The following CFAP47 variants were observed in gnomAD, a reference collection of about 807,000 sequenced individuals.
CFAP47 encodes cilia- and flagella-associated protein 47.
CFAP47 carries 29 observed loss-of-function variants against 148.1 expected under a neutral mutation model. That is an observed-to-expected ratio of 0.20 (90% CI 0.15 to 0.27). The LOEUF (loss-of-function observed/expected upper bound fraction) is 0.27. Ranked by LOEUF, CFAP47 falls within the 10% of genes least tolerant of loss-of-function variation. CFAP47 has a pLI of 1.00. For missense variants in CFAP47, 1,872 were observed against 1,697.5 expected, an observed-to-expected ratio of 1.10 and a Z score of -1.81; for synonymous variants, 664 against 577.3, an observed-to-expected ratio of 1.15 and a Z score of -2.15.
chrX:36,265,662 T>C (rs1428111150), intron 49 of CFAP47, among the ~76,000 whole-genome samples: 1 of 112,219 alleles, frequency 8.9e-6, no homozygotes, highest in Non-Finnish European at 1.9e-5. Context: ...CATATCTTAA[T>C]GTGCTTTCTT....
At chrX:36,232,783 T>C (rs1202663440) in intron 46 of CFAP47, among the ~76,000 whole-genome samples, 6 of 112,060 alleles carry the variant, frequency 5.4e-5, no homozygotes, top group Admixed American at 9.5e-5. Context: ...CACACTGCTT[T>C]AAATGTGTCC....
At chrX:36,171,784 A>AT in intron 39 of CFAP47, among the ~76,000 whole-genome samples, 1 of 111,442 alleles carries the variant, frequency 9.0e-6, no homozygotes, top group South Asian at 3.8e-4. Context: ...GATGCGGGCT[A>AT]TTTTTTGGTT....
intron 39 of CFAP47, among the ~76,000 whole-genome samples, chrX:36,174,059 C>G (rs1435976848): frequency 3.7e-5 from 4 of 108,184 alleles, no homozygotes; most frequent in Non-Finnish European, 7.7e-5. Flanking sequence ...ATGTAATGGC[C>G]TTCTTTGTCT....
chrX:36,080,371 G>A (rs188904033), intron 29 of CFAP47, among the ~76,000 whole-genome samples: 1 of 111,524 alleles, frequency 9.0e-6, no homozygotes, highest in Admixed American at 9.5e-5. Flanking sequence ...AGACAGTGTG[G>A]CAATTCCTCA....
At chrX:35,972,674 C>T (rs936107967) in intron 13 of CFAP47, among the ~76,000 whole-genome samples, 17 of 111,811 alleles carry the variant, frequency 1.5e-4, no homozygotes, top group African/African-American at 5.5e-4. Context: ...TTTTGAGGTT[C>T]ACCCACGTGG....
intron 48 of CFAP47, among the ~76,000 whole-genome samples, chrX:36,247,274 A>G (rs1244953221): frequency 3.6e-5 from 4 of 110,677 alleles, no homozygotes; most frequent in African/African-American, 9.8e-5. Flanking sequence ...AAACTATTAG[A>G]TGAGGAAGGG....
At chrX:36,275,926 T>A (rs1556002614) in intron 49 of CFAP47, among the ~76,000 whole-genome samples, 1 of 111,257 alleles carries the variant, frequency 9.0e-6, no homozygotes, top group African/African-American at 3.3e-5. Flanking sequence ...TCGTAGATTA[T>A]GTGTTTCTAA....
intron 2 of CFAP47, among the ~76,000 whole-genome samples, chrX:35,935,905 A>G (rs1424397356): frequency 9.0e-6 from 1 of 111,292 alleles, no homozygotes; most frequent in Admixed American, 9.6e-5. Flanking sequence ...TATGGAACAC[A>G]TTCTTTCTCT....
Position 36,197,885 on chromosome X carries a change from C to T in CFAP47, c.6322-2494C>T, listed in dbSNP as rs887323899. 4.5e-5 allele frequency among the ~76,000 whole-genome samples: 5 copies of T among 111,439 alleles called. No homozygotes were observed. The Admixed American group carries it at 4.8e-4, about 11-fold the overall frequency. ...AATAGACCACCAAATGAATTATAAACAAATCCTAATGGGGGATAACAAAGC... is the reference window on the plus strand; with the variant it reads ...AATAGACCACCAAATGAATTATAAATAAATCCTAATGGGGGATAACAAAGC... On this transcript the variant is annotated intron_variant, in intron 42 of 63. Transcript: ENST00000378653.
At chrX:36,041,832 C>T (rs946083427) in intron 25 of CFAP47, among the ~76,000 whole-genome samples, 3 of 104,915 alleles carry the variant, frequency 2.9e-5, no homozygotes, top group Non-Finnish European at 3.9e-5. Context: ...AGGCTGAGGC[C>T]GGAGAATCTC....
chrX:36,298,307 G>A (rs1941263175), intron 51 of CFAP47, among the ~76,000 whole-genome samples: 1 of 103,232 alleles, frequency 9.7e-6, no homozygotes, highest in Non-Finnish European at 2.0e-5. Flanking sequence ...ACTATCGCAA[G>A]AACAAAAAAC....
intron 45 of CFAP47, among the ~76,000 whole-genome samples, chrX:36,212,910 C>T (rs1452614946): frequency 2.7e-5 from 3 of 110,369 alleles, no homozygotes; most frequent in African/African-American, 9.9e-5. Context: ...ACCAGGAGTT[C>T]GAGACCAGCC....
At chrX:36,248,633 A>G (rs1418884260) in intron 48 of CFAP47, among the ~76,000 whole-genome samples, 12 of 109,068 alleles carry the variant, frequency 1.1e-4, no homozygotes, top group Non-Finnish European at 1.9e-5. Flanking sequence ...TGGGTAATTA[A>G]CTAGCCAGTA....
intron 33 of CFAP47, among the ~76,000 whole-genome samples, chrX:36,107,622 T>A (rs887666977): frequency 8.9e-6 from 1 of 112,115 alleles, no homozygotes; most frequent in Admixed American, 9.5e-5. Flanking sequence ...ATTATACTTT[T>A]TCCCTTGAGG....
chrX:36,080,642 A>C (rs992922755), intron 29 of CFAP47, among the ~76,000 whole-genome samples: 4 of 111,721 alleles, frequency 3.6e-5, no homozygotes, highest in African/African-American at 1.3e-4. Context: ...AACATGGATG[A>C]AGCTGGAAAC....
Position 36,001,635 on chromosome X carries a change from T to C in CFAP47, c.3345T>C (p.Val1115=). 3.4e-6 allele frequency: 1 copy of C among 296,215 alleles called. No individual in the cohort carries two copies. The allele number at this position is 296,215 out of a possible 1,213,427, so 24.4% of individuals were successfully genotyped here. ...DKSEEFKDPA[V]PYIYSLELEE... is the part of the protein sequence containing the mutation. ...CAGAAGAATTTAAAGACCCTGCAGT[T>C]CCTTATATATATTCTTTGGAATTAG... The change falls in exon 21 of 64, where the codon GTT becomes GTC. Residue 1115 remains valine, a synonymous_variant. Transcript: ENST00000378653.
At chrX:36,233,625 A>G (rs1236572529) in intron 46 of CFAP47, among the ~76,000 whole-genome samples, 3 of 111,479 alleles carry the variant, frequency 2.7e-5, no homozygotes, top group Non-Finnish European at 5.6e-5. Context: ...TTTAAGGTTA[A>G]TATTGTTATG....
intron 22 of CFAP47, among the ~76,000 whole-genome samples, chrX:36,019,377 G>A (rs971124087): frequency 1.8e-5 from 2 of 111,855 alleles, no homozygotes; most frequent in Non-Finnish European, 3.8e-5. Context: ...AACTTCTGCC[G>A]ACCTCCTCCC....
intron 42 of CFAP47, among the ~76,000 whole-genome samples, chrX:36,191,962 C>T (rs1555986559): frequency 9.0e-6 from 1 of 110,738 alleles, no homozygotes. Flanking sequence ...TAAGCCTGGG[C>T]AACAGAGTGA....
Sources: gnomAD v4.1 joint callset for allele counts (sites outside exome capture counted in the v4.1 genomes callset) on GRCh38, gnomAD v4.1.1 for gene constraint, MANE v1.5 for transcripts, NCBI Gene and HGNC (gene_info 2026-07-23, HGNC 2026-07-21) for gene names.